Variants in SLC35F2 observed in about 807,000 individuals in gnomAD.
SLC35F2 encodes the protein queuine/queuosine transporter SLC35F2.
In SLC35F2, 25 loss-of-function variants were observed where a neutral mutation model predicts 38.1. That is an observed-to-expected ratio of 0.66 (90% CI 0.48 to 0.92). The LOEUF is 0.92. Ranked by LOEUF, SLC35F2 falls within the 40% of genes least tolerant of loss-of-function variation. The pLI, the probability that SLC35F2 is intolerant of heterozygous loss-of-function variation, is 0.00. For synonymous variants in SLC35F2, 173 were observed against 181.7 expected, an observed-to-expected ratio of 0.95 and a Z score of 0.38; for missense variants, 409 against 452.9, an observed-to-expected ratio of 0.90 and a Z score of 0.88.
intron 3 of SLC35F2, chr11:107,809,654 G>A (rs947788368): frequency 6.6e-5 from 65 of 978,538 alleles, no homozygotes; most frequent in Middle Eastern, 5.2e-4. Context: ...AGTATTCTTG[G>A]TGATGGATGT....
rs193058111 is a variant in SLC35F2 at position 107,813,359 on chromosome 11, C to T, written c.287-1565G>A. Among the ~76,000 whole-genome samples, 470 of 152,180 alleles carry T rather than the reference C, an allele frequency of 3.1e-3. 1 individual carries two copies. Among genetic ancestry groups the T allele is most frequent in the African/African-American group, 0.01 (425 of 41,538 alleles). Reference sequence around the variant, plus strand: ...ACTAGGGAGGCTGAGGCAAGAAAATCGCTTGAACCCAGGAGGCAGAGGTTG... The same window carrying T: ...ACTAGGGAGGCTGAGGCAAGAAAATTGCTTGAACCCAGGAGGCAGAGGTTG... On this transcript the variant is annotated intron_variant, in intron 2 of 7. Transcript: ENST00000525815.
At chr11:107,810,171 T>C in intron 3 of SLC35F2, 2 of 985,472 alleles carry the variant, frequency 2.0e-6, no homozygotes, top group African/African-American at 3.5e-5. Flanking sequence ...GGAGAAAACA[T>C]TACCTTGTTA....
chr11:107,803,776 AACACAC>A (rs71047623), intron 6 of SLC35F2, among the ~76,000 whole-genome samples: 2 of 149,580 alleles, frequency 1.3e-5, no homozygotes, highest in Admixed American at 6.7e-5. Flanking sequence ...TCCCATACTC[AACACAC>A]ACACACACAC....
intron 1 of SLC35F2, among the ~76,000 whole-genome samples, chr11:107,831,645 A>G (rs1859844108): frequency 6.6e-6 from 1 of 152,244 alleles, no homozygotes; most frequent in Non-Finnish European, 1.5e-5. Context: ...TATATTTCCC[A>G]GGTAGGTTTT....
chr11:107,855,577 G>A (rs544958), intron 1 of SLC35F2, among the ~76,000 whole-genome samples: 20 of 152,092 alleles, frequency 1.3e-4, no homozygotes, highest in African/African-American at 4.1e-4. Flanking sequence ...GCTTGAACCC[G>A]GGAGGCGGAG....
rs375025984 is a variant in SLC35F2, at chr11:107,816,002, A to G, written c.111-37T>C. Reference sequence around the variant, plus strand: ...GGGAAGAAATCAGAACAGCATGCAAATAAGTTATACCTTACACACACACAC... The same window carrying G: ...GGGAAGAAATCAGAACAGCATGCAAGTAAGTTATACCTTACACACACACAC... On this transcript the variant is annotated intron_variant, in intron 1 of 7. Coordinates refer to ENST00000525815, the MANE Select transcript of SLC35F2 (RefSeq NM_017515.5). 5.1e-6 allele frequency: 8 copies of G among 1,573,112 alleles called. No individual in the cohort carries two copies. In the African/African-American group the frequency reaches 1.0e-4, roughly 20 times the overall value.
chr11:107,848,772 G>A lies in SLC35F2; in HGVS notation c.110+9886C>T, dbSNP rs185373371. 3.3e-3 allele frequency among the ~76,000 whole-genome samples: 504 copies of A among 152,296 alleles called. 3 individuals are homozygous for A. Among genetic ancestry groups the A allele is most frequent in the Non-Finnish European group, 5.4e-3 (364 of 68,016 alleles). On this transcript the variant is annotated intron_variant, in intron 1 of 7. Transcript: ENST00000525815. ...TAGCAGCACACCCTGGTGGGTGCCAGAGGCCAGCCCAGAAGCCCACCAGCT... is the reference window on the plus strand; with the variant it reads ...TAGCAGCACACCCTGGTGGGTGCCAAAGGCCAGCCCAGAAGCCCACCAGCT...
intron 1 of SLC35F2, among the ~76,000 whole-genome samples, chr11:107,844,489 G>C (rs969688530): frequency 1.3e-5 from 2 of 150,162 alleles, no homozygotes; most frequent in Non-Finnish European, 3.0e-5. Context: ...GCCGGGCCTG[G>C]TGGCATGCAC....
At chr11:107,843,594 G>A (rs907783622) in intron 1 of SLC35F2, among the ~76,000 whole-genome samples, 24 of 151,200 alleles carry the variant, frequency 1.6e-4, no homozygotes, top group Admixed American at 4.0e-4. Flanking sequence ...AGTGGCTCAC[G>A]CCTATAATCC....
chr11:107,843,857 AAAAAAAAAAAAATATATATATAT>A (rs1393517111), intron 1 of SLC35F2, among the ~76,000 whole-genome samples: 66 of 43,008 alleles, frequency 1.5e-3, no homozygotes, highest in Middle Eastern at 9.4e-3. Flanking sequence ...AAAAAAAAAA[AAAAAAAAAAAAATATATATATAT>A]ATATATATAT....
chr11:107,829,421 A>G (rs1859802752), intron 1 of SLC35F2, among the ~76,000 whole-genome samples: 1 of 151,536 alleles, frequency 6.6e-6, no homozygotes, highest in Admixed American at 6.6e-5. Flanking sequence ...TACATCTCAA[A>G]AAAAAAAAAA....
intron 1 of SLC35F2, among the ~76,000 whole-genome samples, chr11:107,826,667 A>G (rs1859759068): frequency 6.6e-6 from 1 of 152,252 alleles, no homozygotes; most frequent in Non-Finnish European, 1.5e-5. Context: ...ATGTTACATA[A>G]CTTATAATTA....
At chr11:107,818,735 A>G (rs1859622888) in intron 1 of SLC35F2, among the ~76,000 whole-genome samples, 1 of 152,166 alleles carries the variant, frequency 6.6e-6, no homozygotes, top group Non-Finnish European at 1.5e-5. Context: ...TTATTGATCC[A>G]TTCCACTGTT....
At chr11:107,838,663 C>G (rs1194643044) in intron 1 of SLC35F2, among the ~76,000 whole-genome samples, 2 of 129,118 alleles carry the variant, frequency 1.5e-5, no homozygotes, top group African/African-American at 3.0e-5. Flanking sequence ...CAGTCTTGCT[C>G]TGTCCCCCAG....
At chr11:107,836,902 T>C (rs1276286197) in intron 1 of SLC35F2, among the ~76,000 whole-genome samples, 1 of 152,110 alleles carries the variant, frequency 6.6e-6, no homozygotes, top group East Asian at 1.9e-4. Flanking sequence ...TTATAACTAT[T>C]TACATTCATC....
intron 7 of SLC35F2, among the ~76,000 whole-genome samples, chr11:107,797,215 C>T (rs1859232890): frequency 6.6e-6 from 1 of 151,880 alleles, no homozygotes; most frequent in African/African-American, 2.4e-5. Context: ...TTATTCACAC[C>T]AATAAATAGT....
At chr11:107,801,364 T>A (rs1328986006) in intron 7 of SLC35F2, among the ~76,000 whole-genome samples, 1 of 152,234 alleles carries the variant, frequency 6.6e-6, no homozygotes, top group African/African-American at 2.4e-5. Flanking sequence ...TTTTTTCTAG[T>A]AAGCCACAGA....
At chr11:107,825,188 A>G (rs1859734091) in intron 1 of SLC35F2, among the ~76,000 whole-genome samples, 1 of 152,026 alleles carries the variant, frequency 6.6e-6, no homozygotes, top group Admixed American at 6.6e-5. Flanking sequence ...TTCTATTTTA[A>G]TTCATTTTCA....
At chr11:107,820,916 A>G (rs1334894895) in intron 1 of SLC35F2, among the ~76,000 whole-genome samples, 2 of 152,178 alleles carry the variant, frequency 1.3e-5, no homozygotes, top group African/African-American at 2.4e-5. Context: ...AGATGGCGCT[A>G]CTGCACTCCA....
Sources: gnomAD v4.1 joint callset for allele counts (sites outside exome capture counted in the v4.1 genomes callset) on GRCh38, gnomAD v4.1.1 for gene constraint, MANE v1.5 for transcripts, NCBI Gene and HGNC (gene_info 2026-07-23, HGNC 2026-07-21) for gene names.